The following ERCC1 variants were observed in gnomAD, a reference collection of about 807,000 sequenced individuals.
The protein encoded by ERCC1 is ERCC excision repair 1, endonuclease non-catalytic subunit.
Under a neutral mutation model 37.6 loss-of-function variants are expected in ERCC1, and 36 were observed. The ratio of observed to expected loss-of-function variants is 0.96; its 90% confidence interval spans 0.73 to 1.26. The LOEUF is 1.26. Among genes scored for constraint, ERCC1 ranks in the 50% most tolerant of loss-of-function variants. The probability of loss-of-function intolerance (pLI) is 0.00; values close to 1 mark genes in which losing one functional copy is unlikely to be tolerated. For missense variants in ERCC1, 349 were observed against 376.5 expected (o/e 0.93, Z 0.60); for synonymous variants, 156 against 162.1 (o/e 0.96, Z 0.28).
At chr19:45,445,365 A>G (rs35717583) in intron 1 of ERCC1, among the ~76,000 whole-genome samples, 9,556 of 152,232 alleles carry the variant, frequency 0.063, 982 homozygotes, top group African/African-American at 0.22. Context: ...GCACTGGTAA[A>G]GACTGTGAGA....
intron 1 of ERCC1, among the ~76,000 whole-genome samples, chr19:45,437,907 TCTGA>T (rs1346902626): frequency 0.012 from 1,731 of 150,456 alleles, 34 homozygotes; most frequent in African/African-American, 0.04. Context: ...CGTGTTCTCA[TCTGA>T]TTTTTTTTTT....
At chr19:45,444,579 G>C (rs1296311024) in intron 1 of ERCC1, among the ~76,000 whole-genome samples, 2 of 152,172 alleles carry the variant, frequency 1.3e-5, no homozygotes, top group African/African-American at 4.8e-5. Context: ...GCAGAAACCC[G>C]GAGACTGAGG....
intron 1 of ERCC1, among the ~76,000 whole-genome samples, chr19:45,438,529 C>T (rs1159367890): frequency 6.6e-6 from 1 of 152,176 alleles, no homozygotes; most frequent in Non-Finnish European, 1.5e-5. Context: ...GGCACAATCT[C>T]GGCTCACTGC....
chr19:45,416,005 C>G (rs1014790596), intron 6 of ERCC1, among the ~76,000 whole-genome samples: 1 of 152,136 alleles, frequency 6.6e-6, no homozygotes, highest in East Asian at 1.9e-4. Context: ...TGTGGTGGCG[C>G]GTGCCTTTAG....
At chr19:45,451,181 G>C (rs999076024) in intron 1 of ERCC1, among the ~76,000 whole-genome samples, 6 of 152,096 alleles carry the variant, frequency 3.9e-5, no homozygotes, top group African/African-American at 1.2e-4. Flanking sequence ...GACCGCCTCC[G>C]CTCGGGTATC....
intron 1 of ERCC1, among the ~76,000 whole-genome samples, chr19:45,431,514 TA>T (rs1434128768): frequency 6.6e-6 from 1 of 152,086 alleles, no homozygotes; most frequent in Non-Finnish European, 1.5e-5. Flanking sequence ...CCATCTCTAC[TA>T]AAAATACAAA....
chr19:45,417,432 G>GA (rs1974132152), intron 5 of ERCC1, among the ~76,000 whole-genome samples: 1 of 152,170 alleles, frequency 6.6e-6, no homozygotes. Context: ...AAAGGAGGAT[G>GA]AGGAGGAGGA....
chr19:45,449,494 A>G (rs1184098339), intron 1 of ERCC1, among the ~76,000 whole-genome samples: 1 of 151,816 alleles, frequency 6.6e-6, no homozygotes, highest in East Asian at 1.9e-4. Flanking sequence ...CCCCGTCTCT[A>G]AAAACAAAAA....
intron 4 of ERCC1, chr19:45,419,580 G>A (rs3212958): frequency 0.05 from 15,365 of 304,876 alleles, 2,202 homozygotes; most frequent in African/African-American, 0.31. Flanking sequence ...GGAGGGCTAC[G>A]GTGAGGGCTT....
Position 45,449,567 on chromosome 19 carries a change from G to A in ERCC1, c.-7-26186C>T, listed in dbSNP as rs1300292291. On this transcript the variant is annotated intron_variant, in intron 1 of 8. Coordinates refer to the ERCC1 transcript ENST00000423698. ...TATAGTCCCAGCTAGTTGGTAGGCT[G>A]AGGCGGGAGGATTGCTTGAGCTCAG... Among the ~76,000 whole-genome samples, 3 of 152,322 alleles carry A rather than the reference G, an allele frequency of 2.0e-5. No individual in the cohort carries two copies. In the East Asian group the frequency reaches 5.8e-4, roughly 29 times the overall value.
rs769657381 is a variant in ERCC1, at chr19:45,408,209, C to G, written c.*1466G>C. The stretch of plus-strand genomic sequence containing the variant: ...ATTGGCAGGCAAGCGGCACCGCTAT[C>G]GAGTCCTCAGCAGCTGTCCCCAAGC... On this transcript the variant is annotated 3_prime_UTR_variant, in exon 10 of 10. Coordinates refer to ENST00000300853, the MANE Select transcript of ERCC1 (RefSeq NM_001983.4). The G allele has an allele frequency of 1.2e-6, 2 of 1,613,958 alleles. No homozygotes were observed. Among genetic ancestry groups the G allele is most frequent in the African/African-American group, 1.3e-5 (1 of 74,942 alleles).
chr19:45,410,973 G>C (rs191669189), intron 9 of ERCC1, among the ~76,000 whole-genome samples: 1 of 152,040 alleles, frequency 6.6e-6, no homozygotes, highest in Admixed American at 6.5e-5. Context: ...ACAGGCACGC[G>C]CCACCACACC....
intron 1 of ERCC1, among the ~76,000 whole-genome samples, chr19:45,438,836 T>C (rs112325685): frequency 1.5e-3 from 223 of 152,102 alleles, no homozygotes; most frequent in African/African-American, 5.2e-3. Flanking sequence ...AGACGGGGTT[T>C]CTCCGTGTTG....
chr19:45,451,016 C>A (rs1004452750), intron 1 of ERCC1, among the ~76,000 whole-genome samples: 55 of 151,654 alleles, frequency 3.6e-4, no homozygotes, highest in Admixed American at 1.6e-3. Context: ...GCAGCCAGGA[C>A]CGGCCCGGGC....
At chr19:45,423,659 G>A (rs532643388) in intron 1 of ERCC1, 122 bp downstream of exon 1, 9 of 1,274,274 alleles carry the variant, frequency 7.1e-6, no homozygotes, top group Non-Finnish European at 9.0e-6. Flanking sequence ...CCTTCCGTTC[G>A]TCCGGCCCCC....
At chr19:45,436,881 C>CCCGT (rs1220612497) in intron 1 of ERCC1, among the ~76,000 whole-genome samples, 4 of 152,042 alleles carry the variant, frequency 2.6e-5, no homozygotes, top group Admixed American at 2.0e-4. Context: ...CCCGTGAGAC[C>CCCGT]AAGAGTTGGA....
At chr19:45,440,362 C>A (rs930823828) in intron 1 of ERCC1, among the ~76,000 whole-genome samples, 1 of 152,150 alleles carries the variant, frequency 6.6e-6, no homozygotes, top group Non-Finnish European at 1.5e-5. Flanking sequence ...TGCCCCTTAC[C>A]ATCTCTGTCC....
chr19:45,413,754 T>C lies in ERCC1; in HGVS notation c.775-9A>G. On this transcript the variant is annotated splice_polypyrimidine_tract_variant and intron_variant, in intron 8 of 9. Transcript: ENST00000300853. ...ATGAGCTGTTCCAGAGACTGAAAGGTGAAAGCGAGGGGTCAGGGCAGTTGA... is the reference window on the plus strand; with the variant it reads ...ATGAGCTGTTCCAGAGACTGAAAGGCGAAAGCGAGGGGTCAGGGCAGTTGA... 6.2e-7 allele frequency: 1 copy of C among 1,612,770 alleles called. No homozygotes were observed. The highest frequency in any genetic ancestry group is 8.5e-7 in the Non-Finnish European group (1 of 1,179,982).
intron 2 of ERCC1, among the ~76,000 whole-genome samples, chr19:45,422,865 C>T (rs3212940): frequency 0.016 from 2,451 of 152,278 alleles, 74 homozygotes; most frequent in African/African-American, 0.056. Flanking sequence ...GCTCATCACC[C>T]GTCGATTGTT....
Sources: allele counts gnomAD v4.1 joint callset (sites outside exome capture counted in the v4.1 genomes callset), GRCh38; gene constraint gnomAD v4.1.1; transcripts MANE v1.5; gene names NCBI Gene and HGNC (gene_info 2026-07-23, HGNC 2026-07-21).